Variants in SKIL observed in about 807,000 individuals in gnomAD.
SKIL encodes the protein SKI like proto-oncogene, also known as ski-like protein.
In SKIL, 20 loss-of-function variants were observed where a neutral mutation model predicts 69.6. The observed-to-expected ratio is 0.29, with a 90% confidence interval of 0.20 to 0.42. The LOEUF is 0.42. Among genes scored for constraint, SKIL ranks in the 10% least tolerant of loss-of-function variants. The pLI is 1.00. For missense variants in SKIL, 745 were observed against 783.1 expected, an observed-to-expected ratio of 0.95 and a Z score of 0.58; for synonymous variants, 310 against 279.9, an observed-to-expected ratio of 1.11 and a Z score of -1.08.
chr3:170,374,690 T>C (rs977027868), intron 2 of SKIL, among the ~76,000 whole-genome samples: 1 of 152,206 alleles, frequency 6.6e-6, no homozygotes, highest in Non-Finnish European at 1.5e-5. Context: ...ATCATAAACA[T>C]TGTGCTTTTC....
chr3:170,377,029 T>C (rs1211673947), intron 2 of SKIL, among the ~76,000 whole-genome samples: 4 of 152,208 alleles, frequency 2.6e-5, no homozygotes, highest in African/African-American at 9.6e-5. Context: ...TTGCATCTTG[T>C]AATTTTCCTC....
chr3:170,361,665 A>T (rs1412250115), intron 2 of SKIL, among the ~76,000 whole-genome samples: 6 of 152,222 alleles, frequency 3.9e-5, no homozygotes, highest in Admixed American at 6.5e-5. Flanking sequence ...CGTTTTACAG[A>T]TAAAGTGAAT....
chr3:170,362,595 A>C (rs1161303901), intron 2 of SKIL, among the ~76,000 whole-genome samples: 1 of 151,692 alleles, frequency 6.6e-6, no homozygotes, highest in Non-Finnish European at 1.5e-5. Flanking sequence ...TGGGCAGATC[A>C]CTTCAGGTCA....
chr3:170,370,541 T>C (rs1736759100), intron 2 of SKIL, among the ~76,000 whole-genome samples: 1 of 145,058 alleles, frequency 6.9e-6, no homozygotes, highest in Non-Finnish European at 1.5e-5. Context: ...TAATAAAGGT[T>C]TGGATAACAG....
intron 2 of SKIL, among the ~76,000 whole-genome samples, chr3:170,365,773 T>TTTTTTTG (rs1736475401): frequency 1.0e-5 from 1 of 100,126 alleles, no homozygotes; most frequent in African/African-American, 3.4e-5. Flanking sequence ...TTTTTTTTTT[T>TTTTTTTG]GAGATGGAGT....
At chr3:170,359,540 G>T (rs938700024) in intron 1 of SKIL, 159 bp from the exon 2 acceptor site, 1 of 151,428 alleles carries the variant, frequency 6.6e-6, no homozygotes, top group Non-Finnish European at 1.5e-5. Flanking sequence ...GGAGGTTGCA[G>T]TATGCCGAGA....
rs1297658091 is a variant in SKIL at position 170,391,171 on chromosome 3, T to A, written c.1807T>A (p.Leu603Ile). ...AGAATTTTATGTTGAACAGAAAGAC[T>A]TAGAGAAAAAATTGGAGCAGATAAT... ...MEEFYVEQKDLEKKLEQIMKQ... is the reference protein window; with the variant it reads ...MEEFYVEQKDIEKKLEQIMKQ... The change falls in exon 6 of 7, where the codon TTA (leucine) becomes ATA (isoleucine). Residue 603 changes from leucine (L) to isoleucine (I), a missense_variant. Transcript: ENST00000259119. 6.2e-7 allele frequency: 1 copy of A among 1,612,126 alleles called. No homozygotes were observed. Among genetic ancestry groups the A allele is most frequent in the East Asian group, 2.2e-5 (1 of 44,856 alleles).
At position 170,361,192 on chromosome 3, in the gene SKIL, G is replaced by T; in HGVS notation, c.861G>T (p.Pro287=). 1.9e-6 allele frequency: 3 copies of T among 1,614,170 alleles called. No individual in the cohort carries two copies. The highest frequency in any genetic ancestry group is 2.5e-6 in the Non-Finnish European group (3 of 1,180,030). ...AGTTTTATGTTCAGCCTGATGCTCC[G>T]TGTATTCAATGTCTGGAGTGTTGTG... is the stretch of plus-strand genomic sequence containing the variant. The part of the protein sequence containing the change: ...APQFYVQPDA[P]CIQCLECCGM... The change falls in exon 2 of 7, where the codon CCG becomes CCT. Residue 287 remains proline, a synonymous_variant. Coordinates refer to ENST00000259119, the MANE Select transcript of SKIL (RefSeq NM_005414.5).
chr3:170,389,682 A>G (rs1737814343), intron 4 of SKIL, among the ~76,000 whole-genome samples: 1 of 152,202 alleles, frequency 6.6e-6, no homozygotes, highest in Non-Finnish European at 1.5e-5. Context: ...CTTATAAAGT[A>G]TGAGTTTTTT....
chr3:170,381,884 A>G (rs1010774025), intron 3 of SKIL, among the ~76,000 whole-genome samples: 13 of 152,018 alleles, frequency 8.6e-5, no homozygotes, highest in African/African-American at 3.1e-4. Context: ...GATCGAGACC[A>G]TCCTGGCTAA....
intron 2 of SKIL, among the ~76,000 whole-genome samples, chr3:170,369,082 ATTTTTTTTTTT>A (rs55652320): frequency 7.9e-6 from 1 of 126,776 alleles, no homozygotes; most frequent in Non-Finnish European, 1.7e-5. Flanking sequence ...TATCCCTGGC[ATTTTTTTTTTT>A]TTTTTTTTTT....
At chr3:170,377,238 G>C (rs1368169732) in intron 2 of SKIL, among the ~76,000 whole-genome samples, 1 of 150,938 alleles carries the variant, frequency 6.6e-6, no homozygotes, top group African/African-American at 2.4e-5. Flanking sequence ...TTCGTTTTCT[G>C]TTTTCCTTTT....
chr3:170,384,742 G>A lies in SKIL; in HGVS notation c.1406G>A (p.Ser469Asn), dbSNP rs1737532445. ...EEQEKMDLKT[S>N]RELCSRLDAS... ...CAGGAGAAAATGGATTTAAAAACAAGTAGAGAATTATGTAGCCGTTTAGGT... is the reference window on the plus strand; with the variant it reads ...CAGGAGAAAATGGATTTAAAAACAAATAGAGAATTATGTAGCCGTTTAGGT... The change falls in exon 4 of 7, where the codon AGT becomes AAT. Residue 469 changes from serine (S) to asparagine (N), a missense_variant. Ser to Asn is a conservative substitution (Grantham distance 46). Coordinates refer to ENST00000259119, the MANE Select transcript of SKIL (RefSeq NM_005414.5). 1.3e-6 allele frequency: 2 copies of A among 1,589,924 alleles called. No individual in the cohort carries two copies. Among genetic ancestry groups the A allele is most frequent in the East Asian group, 2.2e-5 (1 of 44,728 alleles).
chr3:170,366,785 TTG>T (rs1307397173), intron 2 of SKIL, among the ~76,000 whole-genome samples: 1 of 152,190 alleles, frequency 6.6e-6, no homozygotes, highest in Non-Finnish European at 1.5e-5. Flanking sequence ...TACGAGCTTT[TTG>T]TGTTTTTTAT....
Position 170,361,347 on chromosome 3 carries a change from C to G in SKIL, c.1016C>G (p.Pro339Arg), listed in dbSNP as rs773522138. The change falls in exon 2 of 7, where the codon CCT (proline) becomes CGT (arginine). Residue 339 changes from proline to arginine, a missense_variant. Physicochemically the swap from Pro to Arg is moderately radical, Grantham distance 103 (BLOSUM62 -2). Transcript: ENST00000259119. ...LHVNQKYLGT[P>R]EEKKLKIILE... The stretch of plus-strand genomic sequence containing the variant: ...GTGAACCAAAAATACTTAGGAACAC[C>G]TGAAGAAAAGAAACTGAAGATAATT... 2.1e-5 allele frequency: 34 copies of G among 1,610,830 alleles called. No homozygotes were observed. The highest frequency in any genetic ancestry group is 2.8e-5 in the Non-Finnish European group (33 of 1,179,094).
intron 2 of SKIL, among the ~76,000 whole-genome samples, chr3:170,380,998 T>TTA (rs1186838344): frequency 6.6e-6 from 1 of 150,678 alleles, no homozygotes; most frequent in Non-Finnish European, 1.5e-5. Context: ...CTGGCTAATT[T>TTA]TTTTTTTTTT....
At position 170,360,097 on chromosome 3, in the gene SKIL, T is replaced by G; in HGVS notation, c.-235T>G. 1 of 409,606 alleles carries G rather than the reference T, an allele frequency of 2.4e-6. No homozygotes were observed. The highest frequency in any genetic ancestry group is 4.3e-6 in the Non-Finnish European group (1 of 231,238). 25.4% of individuals were successfully genotyped at this position (409,606 alleles called of 1,614,324 possible). Reference sequence around the variant, plus strand: ...ATCCTCAGAGGTGTGCCTCTTTTCTTTATTATTAGAGGCAAAACGAACAAT... The same window carrying G: ...ATCCTCAGAGGTGTGCCTCTTTTCTGTATTATTAGAGGCAAAACGAACAAT... On this transcript the variant is annotated 5_prime_UTR_variant, in exon 2 of 7. Coordinates refer to ENST00000259119, the MANE Select transcript of SKIL (RefSeq NM_005414.5).
chr3:170,379,622 T>C (rs1159259347), intron 2 of SKIL, among the ~76,000 whole-genome samples: 1 of 152,122 alleles, frequency 6.6e-6, no homozygotes, highest in Non-Finnish European at 1.5e-5. Context: ...ATTTATTCTT[T>C]TTTTCTCTTC....
At chr3:170,378,952 C>G (rs751386670) in intron 2 of SKIL, among the ~76,000 whole-genome samples, 1 of 151,994 alleles carries the variant, frequency 6.6e-6, no homozygotes, top group Non-Finnish European at 1.5e-5. Context: ...TCTCGGCTTA[C>G]TGCAGCCTCC....
Sources: allele counts gnomAD v4.1 joint callset (sites outside exome capture counted in the v4.1 genomes callset), GRCh38; gene constraint gnomAD v4.1.1; transcripts MANE v1.5; gene names NCBI Gene and HGNC (gene_info 2026-07-23, HGNC 2026-07-21).